KIAA0586: variants seen among roughly 807,000 people sequenced by gnomAD.
KIAA0586 encodes protein TALPID3.
A neutral mutation model predicts 169.8 loss-of-function variants in KIAA0586; 144 were observed. That is an observed-to-expected ratio of 0.85 (90% CI 0.74 to 0.97). The LOEUF (loss-of-function observed/expected upper bound fraction) is 0.97. Among genes scored for constraint, KIAA0586 ranks in the 50% least tolerant of loss-of-function variants. KIAA0586 has a pLI of 0.00. For missense variants in KIAA0586, 1,854 were observed against 1,823.0 expected (o/e 1.02, Z -0.31); for synonymous variants, 625 against 612.4 (o/e 1.02, Z -0.30).
At chr14:58,455,192 G>T (rs907723068) in intron 9 of KIAA0586, among the ~76,000 whole-genome samples, 1 of 152,186 alleles carries the variant, frequency 6.6e-6, no homozygotes, top group Middle Eastern at 3.4e-3. Context: ...TTAAAAAAAT[G>T]TTTTCTATCT....
chr14:58,547,683 C>G, intron 30 of KIAA0586, 98 bp from the exon 31 acceptor site: 43 of 794,158 alleles, frequency 5.4e-5, no homozygotes, highest in Non-Finnish European at 6.7e-5. Context: ...TTGGAATCCG[C>G]GCCCCCCCAC....
chr14:58,541,487 A>G (rs1399239873), intron 30 of KIAA0586, among the ~76,000 whole-genome samples: 2 of 152,194 alleles, frequency 1.3e-5, no homozygotes, highest in East Asian at 3.8e-4. Flanking sequence ...ATAAATAATT[A>G]CAGTGCAGTC....
intron 29 of KIAA0586, among the ~76,000 whole-genome samples, chr14:58,536,635 AG>A (rs1224209651): frequency 6.6e-6 from 1 of 152,198 alleles, no homozygotes; most frequent in Non-Finnish European, 1.5e-5. Flanking sequence ...TATTGAAATA[AG>A]GGGGGTATTT....
intron 9 of KIAA0586, among the ~76,000 whole-genome samples, chr14:58,456,141 T>C (rs1223071753): frequency 6.6e-6 from 1 of 152,138 alleles, no homozygotes; most frequent in African/African-American, 2.4e-5. Context: ...TTGAAACCAT[T>C]CTACTGTCTT....
chr14:58,465,957 A>T lies in KIAA0586; in HGVS notation c.2182A>T (p.Ser728Cys). 1.9e-6 allele frequency: 3 copies of T among 1,613,594 alleles called. No individual in the cohort carries two copies. Among genetic ancestry groups the T allele is most frequent in the Non-Finnish European group, 2.5e-6 (3 of 1,179,584 alleles). Reference sequence around the variant, plus strand: ...TCATGGCGATCAGCAATATTTGTTCAGCCCAAGTAGAGAAATGCCTACTTT... The same window carrying T: ...TCATGGCGATCAGCAATATTTGTTCTGCCCAAGTAGAGAAATGCCTACTTT... Reference protein sequence around the residue: ...LPHGDQQYLFSPSREMPTFSG... With the variant: ...LPHGDQQYLFCPSREMPTFSG... Residue 728 changes from serine (S) to cysteine (C), a missense_variant, in exon 15 of 31, where the codon AGC becomes TGC. Ser to Cys is a moderately radical substitution (Grantham distance 112, BLOSUM62 -1). Coordinates refer to ENST00000652326, the MANE Select transcript of KIAA0586 (RefSeq NM_001329943.3).
At chr14:58,461,862 T>A (rs1042003269) in intron 14 of KIAA0586, among the ~76,000 whole-genome samples, 2 of 152,242 alleles carry the variant, frequency 1.3e-5, no homozygotes, top group African/African-American at 2.4e-5. Flanking sequence ...AACATCTTCA[T>A]GTATCACTGT....
In KIAA0586 at chr14:58,428,477, T is replaced by C; in HGVS notation, c.199+14T>C. ...GAACATCACGTGGTATGTGATTCCA[T>C]GTAGTTTTTCAACCAGTTTTAGTTT... On this transcript the variant is annotated intron_variant, in intron 1 of 30. Coordinates refer to ENST00000652326, the MANE Select transcript of KIAA0586 (RefSeq NM_001329943.3). 1.3e-6 allele frequency: 2 copies of C among 1,580,700 alleles called. No homozygotes were observed. The highest frequency in any genetic ancestry group is 2.2e-5 in the South Asian group (2 of 89,768).
At chr14:58,448,515 T>C (rs1395635305) in intron 7 of KIAA0586, 22 bp downstream of exon 7, 2 of 1,540,592 alleles carry the variant, frequency 1.3e-6, no homozygotes, top group Admixed American at 1.9e-5. Context: ...TAGTTCTCTA[T>C]GAATAAAAAA....
chr14:58,515,898 C>T (rs1178551575), intron 29 of KIAA0586, among the ~76,000 whole-genome samples: 1 of 151,160 alleles, frequency 6.6e-6, no homozygotes, highest in African/African-American at 2.5e-5. Flanking sequence ...AATAAAATGT[C>T]AGATAAACTA....
chr14:58,525,740 A>G (rs2045540074), intron 29 of KIAA0586, among the ~76,000 whole-genome samples: 1 of 152,224 alleles, frequency 6.6e-6, no homozygotes, highest in African/African-American at 2.4e-5. Context: ...ACAGGGCTGA[A>G]GCCAGGGAGC....
intron 30 of KIAA0586, among the ~76,000 whole-genome samples, chr14:58,542,147 A>G (rs2046670947): frequency 6.6e-6 from 1 of 152,166 alleles, no homozygotes; most frequent in Admixed American, 6.5e-5. Context: ...ACAAAGTTCT[A>G]AAACTGTGAT....
chr14:58,504,409 G>A (rs2043790634), intron 27 of KIAA0586, among the ~76,000 whole-genome samples: 2 of 152,128 alleles, frequency 1.3e-5, no homozygotes. Flanking sequence ...CGAATATGGA[G>A]GAAGGACAGA....
chr14:58,482,251 C>A (rs2042082667), intron 20 of KIAA0586, among the ~76,000 whole-genome samples: 1 of 151,822 alleles, frequency 6.6e-6, no homozygotes, highest in Non-Finnish European at 1.5e-5. Context: ...CATGGTGAAA[C>A]CCCATCTCTA....
chr14:58,445,126 T>TAC (rs140476366), intron 6 of KIAA0586, among the ~76,000 whole-genome samples: 21,362 of 144,116 alleles, frequency 0.15, 1,617 homozygotes, highest in South Asian at 0.24. Context: ...CACACATACA[T>TAC]ACACACACAC....
chr14:58,543,759 T>G (rs1422174985), intron 30 of KIAA0586: 4 of 346,544 alleles, frequency 1.2e-5, no homozygotes, highest in Non-Finnish European at 2.2e-5. Context: ...TTGACCCTAT[T>G]TCCACTGCCA....
chr14:58,524,360 C>G (rs1164476618), intron 29 of KIAA0586, among the ~76,000 whole-genome samples: 1 of 152,166 alleles, frequency 6.6e-6, no homozygotes, highest in Non-Finnish European at 1.5e-5. Context: ...GATTGTTAGT[C>G]TCTAATACAG....
At chr14:58,432,891 A>G (rs1005724162) in intron 4 of KIAA0586, among the ~76,000 whole-genome samples, 4 of 151,742 alleles carry the variant, frequency 2.6e-5, no homozygotes, top group African/African-American at 4.8e-5. Context: ...TAATTTTTGT[A>G]TATTTGTAGA....
chr14:58,431,270 A>T (rs975455708), intron 3 of KIAA0586, among the ~76,000 whole-genome samples: 8 of 150,624 alleles, frequency 5.3e-5, no homozygotes, highest in Non-Finnish European at 1.2e-4. Context: ...ATGTTTATAA[A>T]TTTTTTTTTT....
chr14:58,455,503 G>A (rs1369856940), intron 9 of KIAA0586, among the ~76,000 whole-genome samples: 3 of 152,144 alleles, frequency 2.0e-5, no homozygotes, highest in African/African-American at 4.8e-5. Flanking sequence ...TATTGTTGTT[G>A]TTGCTGTTTG....
Sources: allele counts gnomAD v4.1 joint callset (sites outside exome capture counted in the v4.1 genomes callset), GRCh38; gene constraint gnomAD v4.1.1; transcripts MANE v1.5; gene names NCBI Gene and HGNC (gene_info 2026-07-23, HGNC 2026-07-21).